EYS: variants seen among roughly 807,000 people sequenced by gnomAD.
The protein encoded by EYS is EGF-like photoreceptor maintenance factor.
EYS carries 250 observed loss-of-function variants against 282.1 expected under a neutral mutation model. The ratio of observed to expected loss-of-function variants is 0.89; its 90% CI spans 0.80 to 0.98. The LOEUF (loss-of-function observed/expected upper bound fraction) is 0.98. EYS is among the 50% of genes least tolerant of loss of function. EYS has a pLI of 0.00. For missense variants in EYS, 4,016 were observed against 3,709.0 expected (o/e 1.08, Z -2.15); for synonymous variants, 1,355 against 1,282.9 (o/e 1.06, Z -1.20).
chr6:64,057,053 G>A (rs1771009786), intron 33 of EYS, among the ~76,000 whole-genome samples: 1 of 152,144 alleles, frequency 6.6e-6, no homozygotes, highest in African/African-American at 2.4e-5. Context: ...GAAATTTACT[G>A]TGTCTTATGA....
chr6:64,249,207 G>A (rs1203516618), intron 30 of EYS, among the ~76,000 whole-genome samples: 1 of 151,680 alleles, frequency 6.6e-6, no homozygotes, highest in African/African-American at 2.4e-5. Context: ...CCATAAAGAA[G>A]AATAAAATCA....
rs114739692 is a variant in EYS at position 64,696,400 on chromosome 6, T to A, written c.3444-70155A>T. Among the ~76,000 whole-genome samples the A allele has an allele frequency of 7.0e-3, 1,068 of 152,196 alleles. 10 individuals carry two copies. The highest frequency in any genetic ancestry group is 0.024 in the African/African-American group (1,004 of 41,554). On this transcript the variant is annotated intron_variant, in intron 22 of 42. Coordinates refer to ENST00000503581, the MANE Select transcript of EYS (RefSeq NM_001142800.2). ...ATGAAGTAAATATATGAATCATATG[T>A]ATTCCAGAGGGAGAAGAAATGAAAC... is the stretch of plus-strand genomic sequence containing the variant.
At chr6:65,522,074 C>T (rs1052826855) in intron 2 of EYS, among the ~76,000 whole-genome samples, 5 of 151,872 alleles carry the variant, frequency 3.3e-5, no homozygotes, top group African/African-American at 4.8e-5. Context: ...ATCTTGGTGA[C>T]GTGTTATACT....
chr6:65,469,911 T>TA (rs1381955335), intron 5 of EYS, among the ~76,000 whole-genome samples: 1 of 152,178 alleles, frequency 6.6e-6, no homozygotes, highest in Non-Finnish European at 1.5e-5. Context: ...CACTGTGACT[T>TA]AAAATCATAT....
intron 31 of EYS, among the ~76,000 whole-genome samples, chr6:64,158,438 A>G (rs1018606499): frequency 6.6e-6 from 1 of 152,224 alleles, no homozygotes; most frequent in African/African-American, 2.4e-5. Context: ...GTTCAAAAAC[A>G]TAGTTGTTCA....
At chr6:65,630,845 T>C (rs952477757) in intron 2 of EYS, among the ~76,000 whole-genome samples, 1 of 152,192 alleles carries the variant, frequency 6.6e-6, no homozygotes, top group Non-Finnish European at 1.5e-5. Flanking sequence ...AAAAGCTGTA[T>C]CAATGGAAGA....
At chr6:65,634,957 A>G (rs1738082256) in intron 2 of EYS, among the ~76,000 whole-genome samples, 1 of 152,140 alleles carries the variant, frequency 6.6e-6, no homozygotes, top group Non-Finnish European at 1.5e-5. Flanking sequence ...TTAAAAATCA[A>G]TTTGCCTTCA....
chr6:64,808,101 C>A lies in EYS; in HGVS notation c.3443+5277G>T, dbSNP rs553163861. Among the ~76,000 whole-genome samples, 3 of 150,150 alleles carry A rather than the reference C, an allele frequency of 2.0e-5. No homozygotes were observed. The East Asian group carries it at 5.9e-4, about 30-fold the overall frequency. On this transcript the variant is annotated intron_variant, in intron 22 of 42. Coordinates refer to ENST00000503581, the MANE Select transcript of EYS (RefSeq NM_001142800.2). ...TTCCCTTCCTCCCTTCCCTTCTTCCCTTCCCTTCTTCCCTTTCCTTCCCTT... is the reference window on the plus strand; with the variant it reads ...TTCCCTTCCTCCCTTCCCTTCTTCCATTCCCTTCTTCCCTTTCCTTCCCTT...
chr6:64,931,680 CTA>C (rs1768727766), intron 15 of EYS, among the ~76,000 whole-genome samples: 1 of 152,082 alleles, frequency 6.6e-6, no homozygotes, highest in South Asian at 2.1e-4. Flanking sequence ...TTACAGTGAA[CTA>C]TATATAAAAA....
At chr6:65,161,804 A>G (rs1400601363) in intron 12 of EYS, among the ~76,000 whole-genome samples, 1 of 151,238 alleles carries the variant, frequency 6.6e-6, no homozygotes, top group Non-Finnish European at 1.5e-5. Context: ...ACTTGGAAGT[A>G]AAAGAATAGA....
intron 29 of EYS, among the ~76,000 whole-genome samples, chr6:64,335,553 GC>G (rs1770819309): frequency 6.6e-6 from 1 of 152,092 alleles, no homozygotes; most frequent in African/African-American, 2.4e-5. Context: ...AGTAGGAAAA[GC>G]CCTTTGTTTG....
intron 12 of EYS, among the ~76,000 whole-genome samples, chr6:65,194,494 T>G (rs1048402324): frequency 6.6e-6 from 1 of 152,020 alleles, no homozygotes; most frequent in Non-Finnish European, 1.5e-5. Context: ...TAACTTATAC[T>G]TTTTTGCCTA....
intron 41 of EYS, among the ~76,000 whole-genome samples, chr6:63,729,330 T>C (rs764208492): frequency 8.5e-5 from 13 of 152,154 alleles, no homozygotes; most frequent in Non-Finnish European, 1.8e-4. Flanking sequence ...TAATGAAATC[T>C]AATTTATCAA....
At chr6:65,656,420 A>T (rs1767830877) in intron 1 of EYS, among the ~76,000 whole-genome samples, 1 of 151,874 alleles carries the variant, frequency 6.6e-6, no homozygotes, top group African/African-American at 2.4e-5. Flanking sequence ...CGTGAGGGAA[A>T]GTGCTATTTC....
intron 12 of EYS, among the ~76,000 whole-genome samples, chr6:65,274,888 C>G (rs1224594355): frequency 1.4e-5 from 2 of 138,080 alleles, no homozygotes; most frequent in African/African-American, 2.8e-5. Context: ...GCATCTGGTT[C>G]CTCCTACAGC....
intron 29 of EYS, among the ~76,000 whole-genome samples, chr6:64,353,919 A>G (rs978194038): frequency 1.3e-5 from 2 of 151,540 alleles, no homozygotes; most frequent in Admixed American, 6.6e-5. Context: ...GCCAGAAAAT[A>G]TGGTTTATTA....
chr6:65,706,792 G>A (rs575857782), intron 1 of EYS, among the ~76,000 whole-genome samples: 1 of 152,108 alleles, frequency 6.6e-6, no homozygotes, highest in East Asian at 1.9e-4. Flanking sequence ...CAGACAATGG[G>A]GGAAAACCTC....
Position 65,178,459 on chromosome 6 carries a change from G to A in EYS, c.2023+117404C>T, listed in dbSNP as rs112252067. On this transcript the variant is annotated intron_variant, in intron 12 of 42. Coordinates refer to ENST00000503581, the MANE Select transcript of EYS (RefSeq NM_001142800.2). The stretch of plus-strand genomic sequence containing the variant: ...TGGACGAATAGGAACAGCTTCAGAC[G>A]AAGAAGGCCATTACATAATGGTAAA... Among the ~76,000 whole-genome samples the A allele has an allele frequency of 4.8e-3, 730 of 151,866 alleles. 4 individuals are homozygous for A. Among genetic ancestry groups the A allele is most frequent in the African/African-American group, 0.015 (643 of 41,484 alleles).
chr6:64,920,838 G>C (rs1408799455), intron 15 of EYS, among the ~76,000 whole-genome samples: 1 of 152,026 alleles, frequency 6.6e-6, no homozygotes, highest in Non-Finnish European at 1.5e-5. Context: ...TGTTACATAA[G>C]CAAAGTACTA....
Sources: gnomAD v4.1 joint callset for allele counts (sites outside exome capture counted in the v4.1 genomes callset) on GRCh38, gnomAD v4.1.1 for gene constraint, MANE v1.5 for transcripts, NCBI Gene and HGNC (gene_info 2026-07-23, HGNC 2026-07-21) for gene names.